The following ENOX1 variants were observed in gnomAD, a reference collection of about 807,000 sequenced individuals.
ENOX1 encodes ecto-NOX disulfide-thiol exchanger 1.
Under a neutral mutation model 82.5 loss-of-function variants are expected in ENOX1, and 42 were observed. That is an observed-to-expected ratio of 0.51 (90% CI 0.40 to 0.66). The LOEUF (loss-of-function observed/expected upper bound fraction) is 0.66. Ranked by LOEUF, ENOX1 falls within the 30% of genes least tolerant of loss-of-function variation. ENOX1 has a pLI of 0.00. For synonymous variants in ENOX1, 271 were observed against 282.2 expected, an observed-to-expected ratio of 0.96 and a Z score of 0.40; for missense variants, 608 against 811.6, an observed-to-expected ratio of 0.75 and a Z score of 3.05.
At chr13:43,546,376 TGGA>T (rs986961343) in intron 2 of ENOX1, 2 of 152,296 alleles carry the variant, frequency 1.3e-5, no homozygotes, top group African/African-American at 4.8e-5. Flanking sequence ...TGCAGTGATG[TGGA>T]GGACAGTTTG....
At chr13:43,555,234 G>C (rs896044250) in intron 2 of ENOX1, among the ~76,000 whole-genome samples, 3 of 152,220 alleles carry the variant, frequency 2.0e-5, no homozygotes, top group Admixed American at 6.5e-5. Context: ...CATCACCTTA[G>C]CTGTGTCTTA....
chr13:43,741,443 A>C (rs1330143610), intron 1 of ENOX1, among the ~76,000 whole-genome samples: 1 of 152,090 alleles, frequency 6.6e-6, no homozygotes, highest in Non-Finnish European at 1.5e-5. Flanking sequence ...AGCCTCAACA[A>C]CACCTGTTAT....
At chr13:43,248,905 A>C (rs937748955) in intron 14 of ENOX1, among the ~76,000 whole-genome samples, 2 of 152,148 alleles carry the variant, frequency 1.3e-5, no homozygotes, top group Non-Finnish European at 2.9e-5. Flanking sequence ...CTTATTTGAA[A>C]AATAGGATTA....
chr13:43,459,825 C>T (rs1438556787), intron 3 of ENOX1, among the ~76,000 whole-genome samples: 2 of 152,114 alleles, frequency 1.3e-5, no homozygotes, highest in African/African-American at 4.8e-5. Context: ...AACCCCATCT[C>T]TACTAACACT....
intron 3 of ENOX1, among the ~76,000 whole-genome samples, chr13:43,413,567 A>T (rs114430052): frequency 1.9e-3 from 288 of 152,004 alleles, no homozygotes; most frequent in African/African-American, 6.0e-3. Flanking sequence ...CCATAAAGGA[A>T]GATCTAGAGG....
At chr13:43,361,032 T>A (rs2050467843) in intron 6 of ENOX1, among the ~76,000 whole-genome samples, 1 of 152,200 alleles carries the variant, frequency 6.6e-6, no homozygotes, top group Non-Finnish European at 1.5e-5. Flanking sequence ...CAAAAAGTCT[T>A]AACGCTGGAT....
At chr13:43,265,992 T>A (rs764601067) in intron 13 of ENOX1, among the ~76,000 whole-genome samples, 31 of 152,204 alleles carry the variant, frequency 2.0e-4, no homozygotes, top group South Asian at 4.1e-4. Flanking sequence ...TTGGATGACA[T>A]CTCCTTGGCC....
intron 2 of ENOX1, among the ~76,000 whole-genome samples, chr13:43,487,330 C>A (rs1319055127): frequency 2.0e-5 from 3 of 152,084 alleles, no homozygotes; most frequent in Non-Finnish European, 4.4e-5. Flanking sequence ...AAGAAAGTAG[C>A]ATTTAAGATC....
At chr13:43,237,933 G>A (rs985808917) in intron 14 of ENOX1, among the ~76,000 whole-genome samples, 1 of 152,208 alleles carries the variant, frequency 6.6e-6, no homozygotes, top group Non-Finnish European at 1.5e-5. Flanking sequence ...CTGAGAAATT[G>A]CAGTTGGTAA....
intron 2 of ENOX1, among the ~76,000 whole-genome samples, chr13:43,611,207 C>T (rs772637752): frequency 6.6e-6 from 1 of 152,050 alleles, no homozygotes; most frequent in Non-Finnish European, 1.5e-5. Context: ...GCAAGGTGCC[C>T]GGGGAAACTG....
chr13:43,455,309 T>C (rs191088523), intron 3 of ENOX1, among the ~76,000 whole-genome samples: 1 of 152,344 alleles, frequency 6.6e-6, no homozygotes, highest in East Asian at 1.9e-4. Context: ...TTACCAGGTA[T>C]GATCTTTTAC....
chr13:43,697,836 G>A (rs998065749), intron 1 of ENOX1, among the ~76,000 whole-genome samples: 1 of 152,116 alleles, frequency 6.6e-6, no homozygotes. Flanking sequence ...GACTGGTTTG[G>A]GTCCCCATAT....
intron 2 of ENOX1, among the ~76,000 whole-genome samples, chr13:43,538,509 CAT>C (rs1214556475): frequency 6.6e-6 from 1 of 152,120 alleles, no homozygotes; most frequent in Non-Finnish European, 1.5e-5. Flanking sequence ...ATGAGGTAAT[CAT>C]GTGCTTTTTC....
chr13:43,233,206 C>G (rs548703101), intron 15 of ENOX1, among the ~76,000 whole-genome samples: 2 of 152,104 alleles, frequency 1.3e-5, no homozygotes, highest in African/African-American at 4.8e-5. Context: ...ACAGAATTCT[C>G]TAAGGTCCAA....
intron 3 of ENOX1, among the ~76,000 whole-genome samples, chr13:43,457,123 G>A (rs2057270693): frequency 6.6e-6 from 1 of 151,940 alleles, no homozygotes; most frequent in African/African-American, 2.4e-5. Flanking sequence ...GAGATTTCTG[G>A]AACAGGAAGA....
intron 11 of ENOX1, among the ~76,000 whole-genome samples, chr13:43,308,328 C>T (rs955214091): frequency 6.6e-6 from 1 of 152,196 alleles, no homozygotes; most frequent in Non-Finnish European, 1.5e-5. Context: ...CAGTCACTTC[C>T]TGTCCACTAC....
intron 14 of ENOX1, among the ~76,000 whole-genome samples, chr13:43,247,868 TATATATATA>T (rs1566329767): frequency 1.2e-3 from 3 of 2,404 alleles, no homozygotes; most frequent in African/African-American, 1.2e-3. Context: ...TATATATATA[TATATATATA>T]TATATATTTT....
intron 2 of ENOX1, chr13:43,545,979 ATTTGTT>A (rs66789305): frequency 0.077 from 11,777 of 152,268 alleles, 569 homozygotes; most frequent in East Asian, 0.26. Flanking sequence ...CAATAGAACT[ATTTGTT>A]TATGTTTCAA....
At chr13:43,710,854 C>A in intron 1 of ENOX1, among the ~76,000 whole-genome samples, 1 of 149,838 alleles carries the variant, frequency 6.7e-6, no homozygotes, top group African/African-American at 2.5e-5. Context: ...AGATAGCATC[C>A]ACAATAAAAG....
Sources: allele counts gnomAD v4.1 joint callset (sites outside exome capture counted in the v4.1 genomes callset), GRCh38; gene constraint gnomAD v4.1.1; transcripts MANE v1.5; gene names NCBI Gene and HGNC (gene_info 2026-07-23, HGNC 2026-07-21).